Variants in SLC6A16 observed in about 807,000 individuals in gnomAD.
SLC6A16 encodes orphan sodium- and chloride-dependent neurotransmitter transporter NTT5.
Under a neutral mutation model 65.4 loss-of-function variants are expected in SLC6A16, and 54 were observed. The ratio of observed to expected loss-of-function variants is 0.83; its 90% confidence interval spans 0.66 to 1.04. The LOEUF is 1.04. Ranked by LOEUF, SLC6A16 falls within the 50% of genes least tolerant of loss-of-function variation. SLC6A16 has a pLI of 0.00. For missense variants in SLC6A16, 816 were observed against 914.0 expected (o/e 0.89, Z 1.38); for synonymous variants, 330 against 346.5 (o/e 0.95, Z 0.53).
intron 7 of SLC6A16, among the ~76,000 whole-genome samples, chr19:49,302,060 C>T (rs1159138290): frequency 2.0e-5 from 3 of 152,248 alleles, no homozygotes; most frequent in Non-Finnish European, 4.4e-5. Flanking sequence ...GGCCAGACTG[C>T]AGCAGGCCCC....
Position 49,293,955 on chromosome 19 carries a change from C to A in SLC6A16, c.1490G>T (p.Trp497Leu). ...CAACATCAGGAAGAAGATAAAAGAC[C>A]AGAAGACAGACGGAGGAAGGAAGGA... ...AMSFLPPSVF[W>L]SFIFFLMLLA... The change falls in exon 9 of 12, where the codon TGG becomes TTG. Residue 497 changes from tryptophan to leucine, a missense_variant. Transcript: ENST00000335875. The A allele has an allele frequency of 6.2e-7, 1 of 1,613,908 alleles. No individual in the cohort carries two copies. Among genetic ancestry groups the A allele is most frequent in the Non-Finnish European group, 8.5e-7 (1 of 1,180,020 alleles).
the SLC6A16 span, among the ~76,000 whole-genome samples, chr19:49,333,908 C>G: frequency 5.9e-5 from 9 of 152,314 alleles, no homozygotes; most frequent in East Asian, 1.5e-3. Context: ...AGACCCAGAT[C>G]TGACTGTCAG....
chr19:49,319,985 A>T (rs8107452), intron 1 of SLC6A16, among the ~76,000 whole-genome samples: 5,582 of 152,326 alleles, frequency 0.037, 325 homozygotes, highest in African/African-American at 0.13. Context: ...TGGATCAAAG[A>T]ATAAACTACA....
chr19:49,290,148 G>C lies in SLC6A16; in HGVS notation c.2186C>G (p.Pro729Arg). ...EILQVDETKY[P>R]STCNVTS The stretch of plus-strand genomic sequence containing the variant: ...TTAGGAAGTCACATTACAAGTTGAT[G>C]GGTACTTTGTTTCATCAACTTGTAG... Residue 729 changes from proline to arginine, a missense_variant, in exon 12 of 12, where the codon CCA (proline) becomes CGA (arginine). Transcript: ENST00000335875. 1.9e-6 allele frequency: 3 copies of C among 1,614,022 alleles called. No homozygotes were observed. The South Asian group carries it at 3.3e-5, about 18-fold the overall frequency.
chr19:49,294,655 A>G (rs1198814718), intron 7 of SLC6A16, 102 bp from the exon 8 acceptor site: 5 of 1,090,056 alleles, frequency 4.6e-6, no homozygotes, highest in Admixed American at 5.0e-5. Context: ...CTGGCTTAGC[A>G]TTACTGATCT....
intron 7 of SLC6A16, among the ~76,000 whole-genome samples, chr19:49,296,192 G>A (rs750736610): frequency 6.6e-6 from 1 of 152,238 alleles, no homozygotes; most frequent in South Asian, 2.1e-4. Flanking sequence ...TCATCGTGTT[G>A]GCCAGGCTGG....
In SLC6A16 at chr19:49,290,339, G is replaced by A; in HGVS notation, c.1995C>T (p.Thr665=). The change falls in exon 12 of 12, where the codon ACC becomes ACT. Residue 665 remains threonine (T), a synonymous_variant. Coordinates refer to ENST00000335875, the MANE Select transcript of SLC6A16 (RefSeq NM_014037.3). ...TGGGGAGGATGACAATGGCAAAAAG[G>A]GTGATCATCAAGAGCAGTGCCCACG... ...YPPWALLLMI[T]LFAIVILPIP... 6.2e-7 allele frequency: 1 copy of A among 1,614,052 alleles called. No individual in the cohort carries two copies. Among genetic ancestry groups the A allele is most frequent in the Non-Finnish European group, 8.5e-7 (1 of 1,179,988 alleles).
chr19:49,309,954 C>A, intron 4 of SLC6A16, 86 bp downstream of exon 4: 1 of 1,517,508 alleles, frequency 6.6e-7, no homozygotes, highest in South Asian at 1.2e-5. Context: ...TCTTCCTTGT[C>A]CCTCCCCACT....
chr19:49,316,769 T>C (rs1970618417), intron 1 of SLC6A16, among the ~76,000 whole-genome samples: 1 of 150,858 alleles, frequency 6.6e-6, no homozygotes, highest in Non-Finnish European at 1.5e-5. Context: ...CCTGTAATCC[T>C]AGTACTTTGG....
intron 1 of SLC6A16, among the ~76,000 whole-genome samples, chr19:49,321,319 TAAA>T (rs55808015): frequency 0.7 from 100,749 of 144,416 alleles, 34,508 homozygotes; most frequent in South Asian, 0.8. Flanking sequence ...CCTTTCATGA[TAAA>T]AAAAAAAAAA....
Position 49,309,400 on chromosome 19 carries a change from G to C in SLC6A16, c.888C>G (p.Val296=). ...TGATGAAACAGGGGAGCAGTACCAA[G>C]ACATAGATTACCTGAATCGAGAGTG... ...GLKSTGKVIY[V]LVLLPCFIIV... is the part of the protein sequence containing the mutation. Residue 296 remains valine, a synonymous_variant, in exon 6 of 12, where the codon GTC becomes GTG. Coordinates refer to ENST00000335875, the MANE Select transcript of SLC6A16 (RefSeq NM_014037.3). 6.2e-7 allele frequency: 1 copy of C among 1,613,294 alleles called. No individual in the cohort carries two copies. The highest frequency in any genetic ancestry group is 8.5e-7 in the Non-Finnish European group (1 of 1,179,302).
chr19:49,337,736 A>G, the SLC6A16 span: 1 of 1,536,048 alleles, frequency 6.5e-7, no homozygotes, highest in African/African-American at 1.4e-5. Context: ...AAGAAGAGAC[A>G]GAGACTTATG....
the SLC6A16 span, chr19:49,332,221 T>C: frequency 2.2e-6 from 1 of 456,690 alleles, no homozygotes; most frequent in South Asian, 1.5e-5. Flanking sequence ...CATCACATGG[T>C]GCTCTCCTCT....
At chr19:49,309,548 G>A (rs1344574554) in intron 5 of SLC6A16, 103 bp downstream of exon 5, 4 of 1,309,424 alleles carry the variant, frequency 3.1e-6, no homozygotes, top group Non-Finnish European at 4.3e-6. Context: ...GGCTAGGGGA[G>A]TAAAAGCCAA....
the SLC6A16 span, chr19:49,335,598 C>G: frequency 3.1e-6 from 5 of 1,613,606 alleles, no homozygotes; most frequent in Non-Finnish European, 4.2e-6. The surrounding 1 kb of genome is among the most constrained non-coding windows in gnomAD (Gnocchi z 4.6). Context: ...CGTTTTCAAC[C>G]TCTTCTTCTT....
At chr19:49,329,736 C>T (rs1600661944), upstream of SLC6A16, among the ~76,000 whole-genome samples, 1 of 149,762 alleles carries the variant, frequency 6.7e-6, no homozygotes, top group African/African-American at 2.5e-5. Context: ...AGGTTCACAC[C>T]ATTCTCCTGC....
upstream of SLC6A16, among the ~76,000 whole-genome samples, chr19:49,327,924 C>T (rs1970814470): frequency 6.6e-6 from 1 of 152,180 alleles, no homozygotes; most frequent in Non-Finnish European, 1.5e-5. Context: ...GAAAGGGTAG[C>T]AACAGATCAG....
chr19:49,329,045 C>T (rs535298733), upstream of SLC6A16, among the ~76,000 whole-genome samples: 5 of 152,300 alleles, frequency 3.3e-5, no homozygotes, highest in South Asian at 2.1e-4. Context: ...TCCAACTAAG[C>T]TGCTCCCAGA....
the SLC6A16 span, among the ~76,000 whole-genome samples, chr19:49,333,025 G>A: frequency 6.6e-6 from 1 of 151,020 alleles, no homozygotes; most frequent in Non-Finnish European, 1.5e-5. Context: ...AGTCAGGTAT[G>A]GTGGTGCATG....
Sources: allele counts gnomAD v4.1 joint callset (sites outside exome capture counted in the v4.1 genomes callset), GRCh38; gene constraint gnomAD v4.1.1; non-coding constraint Gnocchi (gnomAD v3.1); transcripts MANE v1.5; gene names NCBI Gene and HGNC (gene_info 2026-07-23, HGNC 2026-07-21).